Variants in FMN2 observed in about 807,000 individuals in gnomAD.
FMN2 encodes formin-2.
A neutral mutation model predicts 142.3 loss-of-function variants in FMN2; 51 were observed. That is an observed-to-expected ratio of 0.36 (90% CI 0.29 to 0.45). The LOEUF (loss-of-function observed/expected upper bound fraction) is 0.45. Among genes scored for constraint, FMN2 ranks in the 20% least tolerant of loss-of-function variants. The pLI is 1.00. For synonymous variants in FMN2, 882 were observed against 869.8 expected (o/e 1.01, Z -0.25); for missense variants, 1,936 against 2,122.8 (o/e 0.91, Z 1.73).
At chr1:240,199,073 C>A (rs1206256592) in intron 4 of FMN2, among the ~76,000 whole-genome samples, 1 of 151,888 alleles carries the variant, frequency 6.6e-6, no homozygotes, top group African/African-American at 2.4e-5. Flanking sequence ...CCATTGGACT[C>A]CAGCCTGGGT....
At chr1:240,249,599 G>A (rs1168341002) in intron 6 of FMN2, among the ~76,000 whole-genome samples, 1 of 151,902 alleles carries the variant, frequency 6.6e-6, no homozygotes, top group Non-Finnish European at 1.5e-5. Context: ...GTTTGTTTTT[G>A]GCTCCATAAG....
At chr1:240,418,674 A>G (rs545379414) in intron 15 of FMN2, among the ~76,000 whole-genome samples, 1 of 152,348 alleles carries the variant, frequency 6.6e-6, no homozygotes, top group South Asian at 2.1e-4. Context: ...GGTCCAAAAG[A>G]TGGCCAACGT....
chr1:240,469,312 A>G (rs1375154557), intron 16 of FMN2, among the ~76,000 whole-genome samples: 1 of 152,164 alleles, frequency 6.6e-6, no homozygotes, highest in East Asian at 1.9e-4. Context: ...CAAATTCTCC[A>G]TGAATCTCCT....
At chr1:240,330,534 C>T (rs181321010) in intron 10 of FMN2, 69 bp from the exon 11 acceptor site, 12 of 1,523,730 alleles carry the variant, frequency 7.9e-6, no homozygotes, top group Admixed American at 4.1e-5. Flanking sequence ...TAGCTGGCAT[C>T]AACTCGATGA....
At chr1:240,233,814 G>A (rs914651385) in intron 6 of FMN2, among the ~76,000 whole-genome samples, 9 of 152,036 alleles carry the variant, frequency 5.9e-5, no homozygotes, top group African/African-American at 1.7e-4. Flanking sequence ...AGAGGCAGGC[G>A]GACTCACACA....
intron 11 of FMN2, among the ~76,000 whole-genome samples, chr1:240,333,120 CTCAAAT>C (rs2103017694): frequency 6.6e-6 from 1 of 152,010 alleles, no homozygotes; most frequent in South Asian, 2.1e-4. Context: ...TACTTGAGCT[CTCAAAT>C]TCAGATTATC....
At chr1:240,453,200 A>C (rs1338833256) in intron 16 of FMN2, among the ~76,000 whole-genome samples, 1 of 152,210 alleles carries the variant, frequency 6.6e-6, no homozygotes, top group African/African-American at 2.4e-5. Context: ...TTAATATATT[A>C]ACGTTGTTTG....
chr1:240,307,817 A>T (rs1243168702), intron 8 of FMN2, among the ~76,000 whole-genome samples: 1 of 152,150 alleles, frequency 6.6e-6, no homozygotes, highest in East Asian at 1.9e-4. Flanking sequence ...GAATCAGTAG[A>T]TTGCTTCAGG....
chr1:240,358,999 C>T lies in FMN2; in HGVS notation c.4858+3091C>T, dbSNP rs576481661. On this transcript the variant is annotated intron_variant, in intron 14 of 17. Coordinates refer to ENST00000319653, the MANE Select transcript of FMN2 (RefSeq NM_020066.5). ...AGTTAGCCGGGTGTGGTGGTGCACA[C>T]CTGTAATCCCAGCTACTCAGGAGAC... 3.3e-5 allele frequency among the ~76,000 whole-genome samples: 5 copies of T among 152,206 alleles called. No individual in the cohort carries two copies. The South Asian group carries it at 1.0e-3, about 32-fold the overall frequency.
At chr1:240,299,009 G>C (rs1482454107) in intron 8 of FMN2, among the ~76,000 whole-genome samples, 1 of 151,584 alleles carries the variant, frequency 6.6e-6, no homozygotes, top group African/African-American at 2.4e-5. Flanking sequence ...GGAGTGCAGT[G>C]GCGCAGTCTT....
At chr1:240,341,430 C>A (rs539279658) in intron 13 of FMN2, 1 of 151,784 alleles carries the variant, frequency 6.6e-6, no homozygotes, top group Non-Finnish European at 1.5e-5. Flanking sequence ...TTGAACTGCT[C>A]GTTCTATTCT....
chr1:240,144,385 C>G (rs1306687226), intron 2 of FMN2: 4 of 1,606,636 alleles, frequency 2.5e-6, no homozygotes, highest in African/African-American at 1.3e-5. Context: ...GAGCTAAGGC[C>G]AAGAAGTTGC....
intron 1 of FMN2, among the ~76,000 whole-genome samples, chr1:240,115,341 T>A (rs962431433): frequency 1.3e-5 from 2 of 152,202 alleles, no homozygotes; most frequent in Non-Finnish European, 2.9e-5. Context: ...CCAGGAACTG[T>A]GATAAATACT....
At chr1:240,440,930 AG>A (rs1413860502) in intron 16 of FMN2, among the ~76,000 whole-genome samples, 6 of 151,924 alleles carry the variant, frequency 3.9e-5, no homozygotes, top group African/African-American at 1.4e-4. Flanking sequence ...AGCCCTTCTA[AG>A]GGTGGCGCCC....
rs569540287 is a variant in FMN2, at chr1:240,118,133, G to C, written c.1616-5046G>C. Among the ~76,000 whole-genome samples, 17 of 147,676 alleles carry C rather than the reference G, an allele frequency of 1.2e-4. No individual in the cohort carries two copies. In the East Asian group the frequency reaches 3.2e-3, roughly 28 times the overall value. On this transcript the variant is annotated intron_variant, in intron 1 of 17. Transcript: ENST00000319653. ...GAAGGCCAGTAGGCAAGAGTGGTGA[G>C]AGGTGGGAGGTAGGGAGGTGGCTCT...
chr1:240,182,586 A>T (rs912278068), intron 3 of FMN2, among the ~76,000 whole-genome samples: 3 of 152,252 alleles, frequency 2.0e-5, no homozygotes, highest in African/African-American at 7.2e-5. Context: ...AGATTTGAGC[A>T]GCTTATAAAT....
rs373415845 is a variant in FMN2 at position 240,189,124 on chromosome 1, T to G, written c.1986+862T>G. 3.5e-3 allele frequency among the ~76,000 whole-genome samples: 523 copies of G among 148,032 alleles called. 1 individual carries two copies. The highest frequency in any genetic ancestry group is 0.016 in the Admixed American group (240 of 14,948). ...TACCAAAGAAGCCAAATTTTGTGGG[T>G]TTTTTTTTCTTACGCTAAAATGCAA... On this transcript the variant is annotated intron_variant, in intron 4 of 17. Transcript: ENST00000319653.
Position 240,474,258 on chromosome 1 carries a change from C to A in FMN2, c.*104C>A, listed in dbSNP as rs540251260. 1.1e-4 allele frequency: 118 copies of A among 1,037,850 alleles called. 1 individual carries two copies. Among genetic ancestry groups the A allele is most frequent in the Admixed American group, 1.7e-4 (5 of 29,128 alleles). The allele number at this position is 1,037,850 out of a possible 1,614,324, so 64.3% of individuals were successfully genotyped here. ...TACCGTCATTCTGCTCATGTTTCTT[C>A]TTGACCTCTTGCATAATCTTTTTGT... On this transcript the variant is annotated 3_prime_UTR_variant, in exon 18 of 18. Coordinates refer to ENST00000319653, the MANE Select transcript of FMN2 (RefSeq NM_020066.5).
chr1:240,163,887 TATTA>T (rs1290315142), intron 2 of FMN2, among the ~76,000 whole-genome samples: 4 of 152,020 alleles, frequency 2.6e-5, no homozygotes, highest in Non-Finnish European at 5.9e-5. Flanking sequence ...TTATTTTTAT[TATTA>T]AGACAAGGTC....
Sources: gnomAD v4.1 joint callset for allele counts (sites outside exome capture counted in the v4.1 genomes callset) on GRCh38, gnomAD v4.1.1 for gene constraint, MANE v1.5 for transcripts, NCBI Gene and HGNC (gene_info 2026-07-23, HGNC 2026-07-21) for gene names.